The following DNAI3 variants were observed in gnomAD, a reference collection of about 807,000 sequenced individuals.
DNAI3 encodes the protein WD repeat domain 63.
In DNAI3, 83 loss-of-function variants were observed where a neutral mutation model predicts 115.5. The observed-to-expected ratio is 0.72, with a 90% CI of 0.60 to 0.86. The LOEUF is 0.86. Among genes scored for constraint, DNAI3 ranks in the 40% least tolerant of loss-of-function variants. The pLI, the probability that DNAI3 is intolerant of heterozygous loss-of-function variation, is 0.00. For synonymous variants in DNAI3, 320 were observed against 347.0 expected (o/e 0.92, Z 0.86); for missense variants, 1,004 against 1,075.8 (o/e 0.93, Z 0.93).
chr1:85,111,056 T>C (rs925524929), intron 16 of DNAI3, among the ~76,000 whole-genome samples: 2 of 152,194 alleles, frequency 1.3e-5, no homozygotes, highest in Admixed American at 1.3e-4. Flanking sequence ...TGTTCGAGAA[T>C]AACTAGCAAT....
intron 6 of DNAI3, among the ~76,000 whole-genome samples, chr1:85,084,958 A>G (rs1654755444): frequency 6.6e-6 from 1 of 152,186 alleles, no homozygotes; most frequent in Non-Finnish European, 1.5e-5. Context: ...CATTGCAGGT[A>G]TAGCTATTTA....
In DNAI3 at chr1:85,109,905, A is replaced by C. The variant is rs568012369; in HGVS notation, c.1699-143A>C. ...TTTCCATGGAGGAAAGAAACTAGAA[A>C]TTTGAGGGAGGAAAGGGAAGGAAGA... On this transcript the variant is annotated intron_variant, in intron 15 of 22. Transcript: ENST00000294664. 3.9e-5 allele frequency: 28 copies of C among 709,786 alleles called. 1 individual carries two copies. The East Asian group carries it at 5.6e-4, about 14-fold the overall frequency. 44.0% of individuals were successfully genotyped at this position (709,786 alleles called of 1,614,324 possible).
At chr1:85,100,327 C>T (rs538296250) in intron 13 of DNAI3, among the ~76,000 whole-genome samples, 136 of 152,312 alleles carry the variant, frequency 8.9e-4, no homozygotes, top group African/African-American at 3.1e-3. Context: ...TGAACAGACA[C>T]TTCTCAAAAG....
At chr1:85,063,917 A>G (rs948640716) in intron 1 of DNAI3, among the ~76,000 whole-genome samples, 2 of 152,262 alleles carry the variant, frequency 1.3e-5, no homozygotes, top group East Asian at 3.9e-4. Flanking sequence ...AAACCACAGT[A>G]GTACTCACAG....
At chr1:85,096,458 GTA>G (rs200214106) in intron 11 of DNAI3, among the ~76,000 whole-genome samples, 7 of 146,480 alleles carry the variant, frequency 4.8e-5, no homozygotes, top group East Asian at 2.0e-4. Context: ...ATATATGTGT[GTA>G]TATATATATA....
chr1:85,092,306 C>CA (rs1655001608), intron 8 of DNAI3, among the ~76,000 whole-genome samples: 1 of 152,190 alleles, frequency 6.6e-6, no homozygotes, highest in Non-Finnish European at 1.5e-5. Context: ...GTGTAATGAT[C>CA]AATGACAGGG....
At chr1:85,108,222 C>A in intron 15 of DNAI3, 45 bp downstream of exon 15, 1 of 1,501,042 alleles carries the variant, frequency 6.7e-7, no homozygotes, top group Non-Finnish European at 8.8e-7. Context: ...GCATAATACA[C>A]TATTTACTTT....
chr1:85,107,427 G>T (rs1571187575), intron 14 of DNAI3, among the ~76,000 whole-genome samples: 1 of 152,272 alleles, frequency 6.6e-6, no homozygotes, highest in South Asian at 2.1e-4. Flanking sequence ...CCTGATACGT[G>T]CCAGCCACAA....
chr1:85,117,487 C>G (rs527525655), intron 16 of DNAI3, among the ~76,000 whole-genome samples: 4 of 152,292 alleles, frequency 2.6e-5, no homozygotes, highest in African/African-American at 9.6e-5. Flanking sequence ...TACCTATGCT[C>G]TTACACTATG....
rs562430938 is a variant in DNAI3, at chr1:85,124,625, G to A, written c.2112+374G>A. Among the ~76,000 whole-genome samples, 8 of 152,252 alleles carry A rather than the reference G, an allele frequency of 5.3e-5. No individual in the cohort carries two copies. In the South Asian group the frequency reaches 1.7e-3, roughly 32 times the overall value. ...TGCTCACTGCAGCCTCGACTTCCCA[G>A]GCTCAGTTGATTCTCCCATCTCAGC... On this transcript the variant is annotated intron_variant, in intron 19 of 22. Transcript: ENST00000294664.
rs1033691483 is a variant in DNAI3 at position 85,092,399 on chromosome 1, T to C, written c.858-1059T>C. Among the ~76,000 whole-genome samples, 5 of 152,190 alleles carry C rather than the reference T, an allele frequency of 3.3e-5. No individual in the cohort carries two copies. In the East Asian group the frequency reaches 7.7e-4, roughly 23 times the overall value. ...GAACTATCTAAAGGATTTTTTCTTA[T>C]TTTAAGAAATTCACAATTGAGAACC... On this transcript the variant is annotated intron_variant, in intron 8 of 22. Coordinates refer to ENST00000294664, the MANE Select transcript of DNAI3 (RefSeq NM_145172.5).
At chr1:85,117,527 A>G (rs1352597149) in intron 16 of DNAI3, among the ~76,000 whole-genome samples, 4 of 152,236 alleles carry the variant, frequency 2.6e-5, no homozygotes, top group Non-Finnish European at 4.4e-5. Flanking sequence ...ATAATATAGC[A>G]CAGTCATTGA....
Position 85,082,208 on chromosome 1 carries a change from G to A in DNAI3, c.286-92G>A, listed in dbSNP as rs983533832. The A allele has an allele frequency of 7.1e-6, 7 of 980,564 alleles. No individual in the cohort carries two copies. The South Asian group carries it at 9.2e-5, about 13-fold the overall frequency. 60.7% of individuals were successfully genotyped at this position (980,564 alleles called of 1,614,324 possible). Reference sequence around the variant, plus strand: ...GCACAATGGTTATCTTCTATAATTGGTTGATTAGCGAAATGTGAATTTTGT... The same window carrying A: ...GCACAATGGTTATCTTCTATAATTGATTGATTAGCGAAATGTGAATTTTGT... On this transcript the variant is annotated intron_variant, in intron 4 of 22. Transcript: ENST00000294664.
chr1:85,117,472 C>A (rs1655864975), intron 16 of DNAI3, among the ~76,000 whole-genome samples: 1 of 152,190 alleles, frequency 6.6e-6, no homozygotes, highest in Non-Finnish European at 1.5e-5. Flanking sequence ...TTTCAGCCCC[C>A]GAATTACCTA....
chr1:85,083,605 G>A (rs1009858692), intron 5 of DNAI3, among the ~76,000 whole-genome samples: 15 of 151,542 alleles, frequency 9.9e-5, no homozygotes, highest in African/African-American at 2.4e-4. Context: ...ATTTTTTATT[G>A]TAATGAAATA....
At chr1:85,091,533 A>C (rs1377502428) in intron 8 of DNAI3, among the ~76,000 whole-genome samples, 1 of 152,264 alleles carries the variant, frequency 6.6e-6, no homozygotes, top group Non-Finnish European at 1.5e-5. Flanking sequence ...CATAACTTCC[A>C]GCTTTAAAAC....
At chr1:85,092,581 A>G (rs1395883015) in intron 8 of DNAI3, among the ~76,000 whole-genome samples, 1 of 152,142 alleles carries the variant, frequency 6.6e-6, no homozygotes, top group Non-Finnish European at 1.5e-5. Flanking sequence ...GACAATAACT[A>G]TCATAGTAAC....
At chr1:85,121,442 G>A (rs755159308) in intron 17 of DNAI3, among the ~76,000 whole-genome samples, 2 of 152,092 alleles carry the variant, frequency 1.3e-5, no homozygotes, top group Non-Finnish European at 2.9e-5. Context: ...CTCCCTTTAC[G>A]GATCAACAAC....
intron 3 of DNAI3, among the ~76,000 whole-genome samples, chr1:85,075,448 T>C (rs1043995099): frequency 6.6e-6 from 1 of 152,172 alleles, no homozygotes; most frequent in African/African-American, 2.4e-5. Flanking sequence ...CAGAACATTA[T>C]GGTGAGACAA....
Sources: allele counts gnomAD v4.1 joint callset (sites outside exome capture counted in the v4.1 genomes callset), GRCh38; gene constraint gnomAD v4.1.1; transcripts MANE v1.5; gene names NCBI Gene and HGNC (gene_info 2026-07-23, HGNC 2026-07-21).